The following ATAD2 variants were observed in gnomAD, a reference collection of about 807,000 sequenced individuals.
ATAD2 encodes the protein ATPase family AAA domain containing 2.
In ATAD2, 62 loss-of-function variants were observed where a neutral mutation model predicts 168.9. The ratio of observed to expected loss-of-function variants is 0.37; its 90% CI spans 0.30 to 0.45. ATAD2 has a LOEUF of 0.45. Among genes scored for constraint, ATAD2 ranks in the 20% least tolerant of loss-of-function variants. The pLI, the probability that ATAD2 is intolerant of heterozygous loss-of-function variation, is 1.00. For missense variants in ATAD2, 1,419 were observed against 1,667.8 expected (o/e 0.85, Z 2.60); for synonymous variants, 613 against 571.6 (o/e 1.07, Z -1.03).
intron 1 of ATAD2, among the ~76,000 whole-genome samples, chr8:123,404,386 TTCTGGGGGC>T (rs1813042446): frequency 1.3e-5 from 2 of 152,128 alleles, no homozygotes; most frequent in Admixed American, 6.6e-5. Flanking sequence ...TGTTGCTTCC[TTCTGGGGGC>T]TCTGAGTGAG....
At chr8:123,389,721 A>C (rs1409236307) in intron 1 of ATAD2, among the ~76,000 whole-genome samples, 1 of 151,398 alleles carries the variant, frequency 6.6e-6, no homozygotes, top group Non-Finnish European at 1.5e-5. Context: ...CCTGTGTTCA[A>C]ACAACTCTCA....
rs1435128741 is a variant in ATAD2 at position 123,344,868 on chromosome 8, G to GC, written c.2718+15dup. The GC allele has an allele frequency of 9.9e-6, 16 of 1,611,204 alleles. No homozygotes were observed. Among genetic ancestry groups the GC allele is most frequent in the Admixed American group, 1.7e-5 (1 of 60,002 alleles). Reference sequence around the variant, plus strand: ...CTCTTTTTGAAAGTATAATGATACCGCCCCACATAAATTACCTCTTCTGGC... The same window carrying GC: ...CTCTTTTTGAAAGTATAATGATACCGCCCCCACATAAATTACCTCTTCTGGC... On this transcript the variant is annotated intron_variant, in intron 19 of 27. Transcript: ENST00000287394.
intron 2 of ATAD2, 44 bp downstream of exon 2, chr8:123,380,485 G>A: frequency 6.3e-7 from 1 of 1,595,330 alleles, no homozygotes; most frequent in Non-Finnish European, 8.6e-7. Flanking sequence ...CTAAATTACT[G>A]CTTTAAAACT....
At position 123,337,636 on chromosome 8, in the gene ATAD2, C is replaced by T. The variant is rs755806080; in HGVS notation, c.3040G>A (p.Asp1014Asn). 4 of 1,606,234 alleles carry T rather than the reference C, an allele frequency of 2.5e-6. No homozygotes were observed. The highest frequency in any genetic ancestry group is 1.7e-6 in the Non-Finnish European group (2 of 1,176,410). The change falls in exon 21 of 28, where the codon GAC (aspartate) becomes AAC (asparagine). Residue 1014 changes from aspartate to asparagine, a missense_variant. By Grantham distance (23) the Asp-to-Asn change is conservative. Around this residue, in one of 5 missense-constraint regions of ATAD2, gnomAD observed 545 missense variants for 724.9 expected, o/e 0.75. Coordinates refer to ENST00000287394, the MANE Select transcript of ATAD2 (RefSeq NM_014109.4). The stretch of plus-strand genomic sequence containing the variant: ...GATTAAACTAATACCTCATCAGGGT[C>T]AACAGGCTTAGTAAACACTCGGAAT... ...KRFRVFTKPVDPDEVPDYVTV... is the reference protein window; with the variant it reads ...KRFRVFTKPVNPDEVPDYVTV...
chr8:123,409,730 G>A (rs1813124583), intron 1 of ATAD2, among the ~76,000 whole-genome samples: 1 of 151,948 alleles, frequency 6.6e-6, no homozygotes, highest in South Asian at 2.1e-4. Flanking sequence ...CACTTTGGGA[G>A]GCTGAGGCAG....
intron 8 of ATAD2, among the ~76,000 whole-genome samples, chr8:123,368,639 G>C (rs555804384): frequency 7.9e-5 from 12 of 152,284 alleles, no homozygotes; most frequent in African/African-American, 2.9e-4. Flanking sequence ...TAGAGGCCAT[G>C]TAGCTTAGAA....
chr8:123,353,974 A>C (rs572042926), intron 13 of ATAD2, among the ~76,000 whole-genome samples: 8 of 152,248 alleles, frequency 5.3e-5, no homozygotes, highest in African/African-American at 1.9e-4. Flanking sequence ...CTCTACTAAA[A>C]ATACAAAAAA....
chr8:123,400,642 C>T (rs1481959026), upstream of ATAD2: 1 of 674,712 alleles, frequency 1.5e-6, no homozygotes, highest in African/African-American at 1.8e-5. This position sits in a 1 kb window ranked among gnomAD's most constrained non-coding sequence, Gnocchi z 4.5. Context: ...CACGCAGCAG[C>T]TCTTCGCCAG....
In ATAD2 at chr8:123,321,185, G is replaced by C; in HGVS notation, c.4132-10C>G. On this transcript the variant is annotated splice_polypyrimidine_tract_variant and intron_variant, in intron 27 of 27. Transcript: ENST00000287394. The stretch of plus-strand genomic sequence containing the variant: ...CCTCTTGCTCCATTTTCTAGATAAA[G>C]GGGAGGAAGAGCAAATAGTAAGTTT... 1 of 1,603,534 alleles carries C rather than the reference G, an allele frequency of 6.2e-7. No individual in the cohort carries two copies. Among genetic ancestry groups the C allele is most frequent in the Non-Finnish European group, 8.5e-7 (1 of 1,176,668 alleles).
chr8:123,337,413 T>C (rs948736872), intron 21 of ATAD2, among the ~76,000 whole-genome samples: 14 of 151,938 alleles, frequency 9.2e-5, no homozygotes, highest in African/African-American at 2.4e-4. Context: ...AATGTTTAGG[T>C]TGGGGAGACA....
At chr8:123,380,821 G>A in intron 1 of ATAD2, 144 bp from the exon 2 acceptor site, 1 of 722,962 alleles carries the variant, frequency 1.4e-6, no homozygotes, top group Non-Finnish European at 2.2e-6. Flanking sequence ...GAAACTACAA[G>A]TTAGTATCTA....
chr8:123,388,486 T>C lies in ATAD2; in HGVS notation c.171+7701A>G, dbSNP rs1163262482. ...TCAGCTCACTGCAACCTCTGCCTCC[T>C]GGGTTCAAGCGATTCTCTCTCTCAG... On this transcript the variant is annotated intron_variant, in intron 1 of 27. Coordinates refer to ENST00000287394, the MANE Select transcript of ATAD2 (RefSeq NM_014109.4). Among the ~76,000 whole-genome samples, 2 of 152,128 alleles carry C rather than the reference T, an allele frequency of 1.3e-5. 1 individual carries two copies. Among genetic ancestry groups the C allele is most frequent in the South Asian group, 4.1e-4 (2 of 4,826 alleles).
In ATAD2 at chr8:123,333,904, C is replaced by T. The variant is rs778630755; in HGVS notation, c.3452G>A (p.Ser1151Asn). ...AGGAGTGCTGCAAGCCACAGGAGTA[C>T]TCGGTGTCTTTAGCTTTTCATTCTG... is the stretch of plus-strand genomic sequence containing the variant. Reference protein sequence around the residue: ...PEQNEKLKTPSTPVACSTPAQ... With the variant: ...PEQNEKLKTPNTPVACSTPAQ... The change falls in exon 24 of 28, where the codon AGT becomes AAT. Residue 1151 changes from serine to asparagine, a missense_variant. Physicochemically the swap from Ser to Asn is conservative, Grantham distance 46 (BLOSUM62 1). Around this residue, in one of 5 missense-constraint regions of ATAD2, gnomAD observed 303 missense variants for 304.3 expected, o/e 1.00. Coordinates refer to ENST00000287394, the MANE Select transcript of ATAD2 (RefSeq NM_014109.4). The T allele has an allele frequency of 1.2e-6, 2 of 1,613,998 alleles. No individual in the cohort carries two copies. The highest frequency in any genetic ancestry group is 1.1e-5 in the South Asian group (1 of 91,058).
chr8:123,350,890 A>G (rs918214386), intron 13 of ATAD2, among the ~76,000 whole-genome samples: 6 of 151,338 alleles, frequency 4.0e-5, no homozygotes, highest in Non-Finnish European at 8.8e-5. Context: ...ATGCCTGGCT[A>G]ATTTTTTTGT....
At chr8:123,401,079 G>A, upstream of ATAD2, 1 of 1,568,560 alleles carries the variant, frequency 6.4e-7, no homozygotes. Context: ...TTCTTGCTGA[G>A]AAGGACCACA....
chr8:123,394,970 A>G (rs368468018), intron 1 of ATAD2, among the ~76,000 whole-genome samples: 18 of 152,366 alleles, frequency 1.2e-4, no homozygotes, highest in African/African-American at 4.3e-4. Context: ...TGGGATGCCC[A>G]CAAAAGATAC....
At position 123,334,335 on chromosome 8, in the gene ATAD2, T is replaced by TA. The variant is rs1177167889; in HGVS notation, c.3212-14dup. 8.8e-6 allele frequency: 13 copies of TA among 1,484,178 alleles called. No homozygotes were observed. The highest frequency in any genetic ancestry group is 1.2e-5 in the Non-Finnish European group (13 of 1,119,824). The allele number at this position is 1,484,178 out of a possible 1,614,324, so 91.9% of individuals were successfully genotyped here. On this transcript the variant is annotated splice_polypyrimidine_tract_variant and intron_variant, in intron 22 of 27. Coordinates refer to ENST00000287394, the MANE Select transcript of ATAD2 (RefSeq NM_014109.4). Reference sequence around the variant, plus strand: ...CTAATAAGACGATCTATGAAGTGAGTAAAAAATGTAATTTTTAATTTCCCC... The same window carrying TA: ...CTAATAAGACGATCTATGAAGTGAGTAAAAAAATGTAATTTTTAATTTCCCC...
At chr8:123,397,415 C>T (rs1172707031), upstream of ATAD2, among the ~76,000 whole-genome samples, 1 of 152,056 alleles carries the variant, frequency 6.6e-6, no homozygotes, top group Admixed American at 6.6e-5. Context: ...TATTATGATA[C>T]CTTGGAGCCG....
chr8:123,372,562 AG>A lies in ATAD2; in HGVS notation c.370+74del, dbSNP rs957558821. The A allele has an allele frequency of 4.6e-6, 5 of 1,098,298 alleles. No individual in the cohort carries two copies. The African/African-American group carries it at 8.1e-5, about 18-fold the overall frequency. 68.0% of individuals were successfully genotyped at this position (1,098,298 alleles called of 1,614,324 possible). A position where few individuals can be genotyped will look rare whatever the true frequency, so the allele number is the denominator to read the frequency against. ...ACTTTAAACATGTAAAATTTATTGT[AG>A]GTACCTCAAAAAACCTGTAAACAGA... On this transcript the variant is annotated intron_variant, in intron 3 of 27. Coordinates refer to ENST00000287394, the MANE Select transcript of ATAD2 (RefSeq NM_014109.4).
Sources: gnomAD v4.1 joint callset for allele counts (sites outside exome capture counted in the v4.1 genomes callset) on GRCh38, gnomAD v4.1.1 for gene constraint, gnomAD v4.1.1 regional missense constraint, Gnocchi (gnomAD v3.1) non-coding constraint, MANE v1.5 for transcripts, NCBI Gene and HGNC (gene_info 2026-07-23, HGNC 2026-07-21) for gene names.